Variants in RASGEF1B observed in about 807,000 individuals in gnomAD.
RASGEF1B encodes the protein RasGEF domain family member 1B.
A neutral mutation model predicts 65.7 loss-of-function variants in RASGEF1B; 30 were observed. The ratio of observed to expected loss-of-function variants is 0.46; its 90% confidence interval spans 0.34 to 0.62. The LOEUF (loss-of-function observed/expected upper bound fraction) is 0.62. Among genes scored for constraint, RASGEF1B ranks in the 20% least tolerant of loss-of-function variants. The pLI is 0.01. For synonymous variants in RASGEF1B, 175 were observed against 194.8 expected (o/e 0.90, Z 0.85); for missense variants, 495 against 580.1 (o/e 0.85, Z 1.51).
intron 13 of RASGEF1B, among the ~76,000 whole-genome samples, chr4:81,430,862 T>C (rs1721407356): frequency 6.6e-6 from 1 of 152,232 alleles, no homozygotes. Context: ...TCTGGATTAA[T>C]TTAAAATGTC....
chr4:81,457,752 C>A (rs1578636227), intron 2 of RASGEF1B, 131 bp from the exon 3 acceptor site: 1 of 914,192 alleles, frequency 1.1e-6, no homozygotes, highest in East Asian at 2.6e-5. Context: ...GTAATGCCTA[C>A]TAGTAGTAAA....
chr4:81,459,535 G>A (rs1202617413), intron 1 of RASGEF1B, 21 bp from the exon 2 acceptor site: 1 of 1,525,576 alleles, frequency 6.6e-7, no homozygotes, highest in Non-Finnish European at 8.8e-7. Context: ...TAAAAAAGAA[G>A]AAAAAATAAT....
At chr4:81,467,901 A>G (rs1422508529) in intron 1 of RASGEF1B, among the ~76,000 whole-genome samples, 1 of 152,214 alleles carries the variant, frequency 6.6e-6, no homozygotes, top group African/African-American at 2.4e-5. Flanking sequence ...GTCAAAAAGA[A>G]CTTTCTGGGA....
At position 81,433,886 on chromosome 4, in the gene RASGEF1B, C is replaced by T; in HGVS notation, c.1278G>A (p.Arg426=). ...CTGTGAGCAGATACTGCAAGATCTTCCGGTCCCTCTCAAATGGACACTCCA... is the reference window on the plus strand; with the variant it reads ...CTGTGAGCAGATACTGCAAGATCTTTCGGTCCCTCTCAAATGGACACTCCA... ...KQVECPFERD[R]KILQYLLTVP... is the part of the protein sequence containing the mutation. Residue 426 remains arginine, a synonymous_variant, in exon 12 of 14, where the codon CGG becomes CGA. Coordinates refer to ENST00000264400, the MANE Select transcript of RASGEF1B (RefSeq NM_152545.3). 6.2e-7 allele frequency: 1 copy of T among 1,614,078 alleles called. No homozygotes were observed. Among genetic ancestry groups the T allele is most frequent in the African/African-American group, 1.3e-5 (1 of 75,026 alleles).
At chr4:81,435,955 AT>A (rs1463067885) in intron 10 of RASGEF1B, among the ~76,000 whole-genome samples, 1 of 150,838 alleles carries the variant, frequency 6.6e-6, no homozygotes, top group East Asian at 2.0e-4. Context: ...ATTTTTAAAA[AT>A]TTTGTGTAGA....
chr4:81,435,732 C>T (rs375000418), intron 10 of RASGEF1B, among the ~76,000 whole-genome samples: 2 of 149,350 alleles, frequency 1.3e-5, no homozygotes, highest in East Asian at 4.0e-4. Flanking sequence ...GCCTTGGCCT[C>T]CCAAAGTGCT....
At chr4:81,467,826 A>G (rs1440986755) in intron 1 of RASGEF1B, among the ~76,000 whole-genome samples, 1 of 152,108 alleles carries the variant, frequency 6.6e-6, no homozygotes, top group Non-Finnish European at 1.5e-5. Flanking sequence ...TAAATATTTC[A>G]TTTTCCTGGA....
At chr4:81,447,704 C>A (rs369186275) in intron 5 of RASGEF1B, 126 bp from the exon 6 acceptor site, 2 of 754,970 alleles carry the variant, frequency 2.6e-6, no homozygotes. Context: ...AAACCTTTAG[C>A]CCTAAATAAT....
chr4:81,442,305 T>A lies in RASGEF1B; in HGVS notation c.1000A>T (p.Ile334Phe). ...WAKVKTAKFD[I>F]LEHQMDPSSN... ...ACATCAGCTTCACATACCTCAAGAA[T>A]GTCAAATTTTGCAGTCTTCACTTTG... Residue 334 changes from isoleucine (I) to phenylalanine (F), a missense_variant, in exon 9 of 14, where the codon ATT becomes TTT. Coordinates refer to ENST00000264400, the MANE Select transcript of RASGEF1B (RefSeq NM_152545.3). 6.2e-7 allele frequency: 1 copy of A among 1,608,760 alleles called. No homozygotes were observed. The highest frequency in any genetic ancestry group is 1.1e-5 in the South Asian group (1 of 90,964).
In RASGEF1B at chr4:81,459,511, T is replaced by A; in HGVS notation, c.-3A>T. On this transcript the variant is annotated 5_prime_UTR_variant, in exon 2 of 14. It adds an upstream start codon to the 5' untranslated region. Transcript: ENST00000264400. ...GAAAAGGGAGGAGTCTGAGGCATAC[T>A]TTCCTAAAAGGAATAAAAAAGAAGA... The A allele has an allele frequency of 1.3e-6, 2 of 1,571,628 alleles. No individual in the cohort carries two copies. The highest frequency in any genetic ancestry group is 2.4e-5 in the South Asian group (2 of 83,848).
intron 6 of RASGEF1B, among the ~76,000 whole-genome samples, chr4:81,446,828 C>T (rs1402628203): frequency 6.6e-6 from 1 of 152,198 alleles, no homozygotes; most frequent in Admixed American, 6.5e-5. Flanking sequence ...TTCTTCACTT[C>T]CTGTATTAGG....
chr4:81,449,946 G>C (rs1165195853), intron 4 of RASGEF1B, among the ~76,000 whole-genome samples: 1 of 151,986 alleles, frequency 6.6e-6, no homozygotes, highest in Non-Finnish European at 1.5e-5. Context: ...CTTTAAACTG[G>C]TCCATTAGAT....
chr4:81,461,895 C>T (rs1051318645), intron 1 of RASGEF1B, among the ~76,000 whole-genome samples: 2 of 152,188 alleles, frequency 1.3e-5, no homozygotes, highest in African/African-American at 2.4e-5. Context: ...ATGGAACTCC[C>T]CTGCACCAAG....
chr4:81,442,420 G>C, intron 8 of RASGEF1B, 44 bp from the exon 9 acceptor site: 1 of 1,130,480 alleles, frequency 8.8e-7, no homozygotes, highest in Non-Finnish European at 1.3e-6. Flanking sequence ...AAAATTGAAA[G>C]AGAGAAATAA....
intron 1 of RASGEF1B, among the ~76,000 whole-genome samples, chr4:81,461,269 G>A (rs906652802): frequency 6.6e-6 from 1 of 152,202 alleles, no homozygotes; most frequent in Non-Finnish European, 1.5e-5. Flanking sequence ...CAAACGAGGA[G>A]GCAGGGACGT....
chr4:81,466,492 G>T (rs759865510), intron 1 of RASGEF1B, among the ~76,000 whole-genome samples: 4 of 152,012 alleles, frequency 2.6e-5, no homozygotes, highest in Non-Finnish European at 4.4e-5. Context: ...AGGCGCGGTG[G>T]CTCACGCCTG....
chr4:81,461,663 G>T (rs7687318), intron 1 of RASGEF1B, among the ~76,000 whole-genome samples: 48,563 of 152,120 alleles, frequency 0.32, 11,577 homozygotes, highest in African/African-American at 0.67. Context: ...TTAAAGTGGT[G>T]GTCTAAAGGC....
intron 10 of RASGEF1B, among the ~76,000 whole-genome samples, chr4:81,435,462 GATTTT>G (rs1721588922): frequency 1.7e-5 from 2 of 117,246 alleles, no homozygotes; most frequent in African/African-American, 7.0e-5. Flanking sequence ...TGCAGGCACC[GATTTT>G]TTTTTTTTTT....
chr4:81,448,341 G>T, intron 4 of RASGEF1B, 57 bp from the exon 5 acceptor site: 1 of 1,409,224 alleles, frequency 7.1e-7, no homozygotes, highest in Non-Finnish European at 1.0e-6. Flanking sequence ...TTGCCACTAG[G>T]CAAACTCAGA....
Sources: gnomAD v4.1 joint callset for allele counts (sites outside exome capture counted in the v4.1 genomes callset) on GRCh38, gnomAD v4.1.1 for gene constraint, MANE v1.5 for transcripts, NCBI Gene and HGNC (gene_info 2026-07-23, HGNC 2026-07-21) for gene names.